The following ALK variants were observed in gnomAD, a reference collection of about 807,000 sequenced individuals.
The protein encoded by ALK is ALK receptor tyrosine kinase.
Under a neutral mutation model 163.1 loss-of-function variants are expected in ALK, and 74 were observed. The observed-to-expected ratio is 0.45, with a 90% CI of 0.38 to 0.55. The LOEUF (loss-of-function observed/expected upper bound fraction) is 0.55. Among genes scored for constraint, ALK ranks in the 20% least tolerant of loss-of-function variants. The probability of loss-of-function intolerance (pLI) is 0.00; values close to 1 mark genes in which losing one functional copy is unlikely to be tolerated. For missense variants in ALK, 2,063 were observed against 2,105.3 expected, an observed-to-expected ratio of 0.98 and a Z score of 0.39; for synonymous variants, 960 against 843.2, an observed-to-expected ratio of 1.14 and a Z score of -2.40.
intron 1 of ALK, among the ~76,000 whole-genome samples, chr2:29,831,417 A>T (rs1665417297): frequency 1.3e-5 from 2 of 151,710 alleles, no homozygotes; most frequent in South Asian, 2.1e-4. Context: ...ACACTTTGAG[A>T]AGCATGCTTT....
At chr2:29,511,049 C>T (rs559620590) in intron 4 of ALK, among the ~76,000 whole-genome samples, 1 of 152,286 alleles carries the variant, frequency 6.6e-6, no homozygotes, top group East Asian at 1.9e-4. Context: ...TGTATCACTT[C>T]CTCATCTCCT....
rs1164260718 is a variant in ALK, at chr2:29,373,773, T to C, written c.1282+9959A>G. 3.9e-5 allele frequency among the ~76,000 whole-genome samples: 6 copies of C among 152,338 alleles called. No individual in the cohort carries two copies. The East Asian group carries it at 5.8e-4, about 15-fold the overall frequency. On this transcript the variant is annotated intron_variant, in intron 5 of 28. Coordinates refer to ENST00000389048, the MANE Select transcript of ALK (RefSeq NM_004304.5). Reference sequence around the variant, plus strand: ...CCTGCTTTGGCCTGACTGTTTTGGATTCCAGTCTTCCTCAAGGGAGGCAGT... The same window carrying C: ...CCTGCTTTGGCCTGACTGTTTTGGACTCCAGTCTTCCTCAAGGGAGGCAGT...
intron 1 of ALK, among the ~76,000 whole-genome samples, chr2:29,762,529 T>C (rs957894550): frequency 1.3e-5 from 2 of 152,192 alleles, no homozygotes; most frequent in African/African-American, 4.8e-5. Flanking sequence ...AGGAAATCAT[T>C]ATACCAGATC....
intron 14 of ALK, among the ~76,000 whole-genome samples, chr2:29,232,917 G>C (rs1468830135): frequency 6.6e-6 from 1 of 152,144 alleles, no homozygotes; most frequent in African/African-American, 2.4e-5. Context: ...CTAGCAGGTG[G>C]CCTCTGTCTT....
intron 1 of ALK, among the ~76,000 whole-genome samples, chr2:29,872,680 A>G (rs1666610431): frequency 6.6e-6 from 1 of 152,354 alleles, no homozygotes; most frequent in South Asian, 2.1e-4. Context: ...TTTGAAGTAC[A>G]GTTTCTACTG....
At chr2:29,742,614 G>T (rs1680092141) in intron 1 of ALK, among the ~76,000 whole-genome samples, 1 of 152,240 alleles carries the variant, frequency 6.6e-6, no homozygotes, top group South Asian at 2.1e-4. Flanking sequence ...CATTAGTCCA[G>T]TGATCTATCC....
intron 4 of ALK, among the ~76,000 whole-genome samples, chr2:29,407,272 C>A (rs1669608371): frequency 1.3e-5 from 2 of 152,232 alleles, no homozygotes; most frequent in African/African-American, 4.8e-5. Context: ...GTGAGATATA[C>A]AACATCCAGA....
intron 1 of ALK, among the ~76,000 whole-genome samples, chr2:29,776,696 C>G (rs1033305339): frequency 5.9e-5 from 9 of 152,090 alleles, no homozygotes; most frequent in African/African-American, 1.9e-4. Flanking sequence ...ACTCAGGAGG[C>G]TGAGGTGGGA....
intron 13 of ALK, among the ~76,000 whole-genome samples, chr2:29,235,936 G>A (rs777977733): frequency 1.9e-4 from 25 of 133,854 alleles, no homozygotes; most frequent in South Asian, 4.8e-4. Context: ...TCTGACTCCT[G>A]GCTTTAAGTA....
chr2:29,741,317 T>C (rs1680052254), intron 1 of ALK, among the ~76,000 whole-genome samples: 1 of 152,042 alleles, frequency 6.6e-6, no homozygotes, highest in African/African-American at 2.4e-5. Flanking sequence ...ACTATAGACT[T>C]TGGGTGATAA....
At chr2:29,245,355 AG>A (rs1664637446) in intron 12 of ALK, among the ~76,000 whole-genome samples, 5 of 104,736 alleles carry the variant, frequency 4.8e-5, no homozygotes, top group South Asian at 3.6e-4. Flanking sequence ...TGCACACAGT[AG>A]GGGCTCCATG....
At chr2:29,234,024 A>G (rs1664300722) in intron 13 of ALK, among the ~76,000 whole-genome samples, 1 of 151,928 alleles carries the variant, frequency 6.6e-6, no homozygotes, top group East Asian at 1.9e-4. Context: ...TTTTTTTCAC[A>G]GAGAGTGGGG....
chr2:29,812,829 T>A (rs1378291374), intron 1 of ALK, among the ~76,000 whole-genome samples: 2 of 152,178 alleles, frequency 1.3e-5, no homozygotes, highest in East Asian at 3.9e-4. Flanking sequence ...TTATCATGTG[T>A]TAGGACTGAG....
intron 1 of ALK, among the ~76,000 whole-genome samples, chr2:29,745,879 A>G (rs772224297): frequency 2.0e-5 from 3 of 152,188 alleles, no homozygotes; most frequent in Non-Finnish European, 4.4e-5. Context: ...TAGACTGTAA[A>G]AACCCTGAGA....
intron 24 of ALK, among the ~76,000 whole-genome samples, chr2:29,211,257 CCATAAAACCATAAAAG>C (rs1317629680): frequency 7.9e-5 from 12 of 152,074 alleles, no homozygotes; most frequent in African/African-American, 1.7e-4. Flanking sequence ...TAAAATGCCC[CCATAAAACCATAAAAG>C]CATAACACAT....
intron 5 of ALK, among the ~76,000 whole-genome samples, chr2:29,334,040 G>T (rs1044932337): frequency 1.3e-5 from 2 of 152,078 alleles, no homozygotes; most frequent in Non-Finnish European, 2.9e-5. Flanking sequence ...GGAATCTTTG[G>T]CTTCCCCTCT....
At position 29,533,436 on chromosome 2, in the gene ALK, T is replaced by A. The variant is rs143489329; in HGVS notation, c.953-1320A>T. 4.9e-3 allele frequency among the ~76,000 whole-genome samples: 754 copies of A among 152,326 alleles called. 5 individuals are homozygous for A. The highest frequency in any genetic ancestry group is 7.4e-3 in the Non-Finnish European group (501 of 68,032). On this transcript the variant is annotated intron_variant, in intron 3 of 28. Coordinates refer to ENST00000389048, the MANE Select transcript of ALK (RefSeq NM_004304.5). Reference sequence around the variant, plus strand: ...ATAGGGAAATGACTTGTCCAAAGTCTTAGTTTGAAAGTTAAGACCATACTC... The same window carrying A: ...ATAGGGAAATGACTTGTCCAAAGTCATAGTTTGAAAGTTAAGACCATACTC...
chr2:29,907,177 T>C (rs1233881239), intron 1 of ALK: 1 of 152,138 alleles, frequency 6.6e-6, no homozygotes, highest in Non-Finnish European at 1.5e-5. Context: ...CTAAGTCCTG[T>C]ATAAGAGTCT....
At chr2:29,755,336 G>A (rs747955417) in intron 1 of ALK, among the ~76,000 whole-genome samples, 1 of 152,238 alleles carries the variant, frequency 6.6e-6, no homozygotes, top group East Asian at 1.9e-4. Flanking sequence ...AAGCTCTAGA[G>A]TGTCAAACAT....
Sources: allele counts gnomAD v4.1 joint callset (sites outside exome capture counted in the v4.1 genomes callset), GRCh38; gene constraint gnomAD v4.1.1; transcripts MANE v1.5; gene names NCBI Gene and HGNC (gene_info 2026-07-23, HGNC 2026-07-21).